Variants in WDHD1 observed in about 807,000 individuals in gnomAD.
The protein encoded by WDHD1 is WD repeat and HMG-box DNA binding protein 1.
Under a neutral mutation model 135.4 loss-of-function variants are expected in WDHD1, and 111 were observed. The ratio of observed to expected loss-of-function variants is 0.82; its 90% CI spans 0.70 to 0.96. The LOEUF (loss-of-function observed/expected upper bound fraction) is 0.96. Among genes scored for constraint, WDHD1 ranks in the 40% least tolerant of loss-of-function variants. The pLI, the probability that WDHD1 is intolerant of heterozygous loss-of-function variation, is 0.00. For missense variants in WDHD1, 1,351 were observed against 1,336.3 expected, an observed-to-expected ratio of 1.01 and a Z score of -0.17; for synonymous variants, 434 against 439.0, an observed-to-expected ratio of 0.99 and a Z score of 0.14.
intron 2 of WDHD1, among the ~76,000 whole-genome samples, chr14:55,017,774 T>C (rs1163399058): frequency 6.6e-6 from 1 of 152,190 alleles, no homozygotes; most frequent in Non-Finnish European, 1.5e-5. Context: ...GCCATACTTG[T>C]CAAATTTTCA....
At position 54,972,574 on chromosome 14, in the gene WDHD1, AAAAAAAAAAAAAAAAAT is replaced by A. The variant is rs1314815935; in HGVS notation, c.2064-5197_2064-5181del. Among the ~76,000 whole-genome samples, 135 of 138,556 alleles carry A rather than the reference AAAAAAAAAAAAAAAAAT, an allele frequency of 9.7e-4. 8 individuals are homozygous for A. The highest frequency in any genetic ancestry group is 3.8e-3 in the African/African-American group (129 of 33,858). 90.9% of individuals were successfully genotyped at this position (138,556 alleles called of 152,430 possible). A position where few individuals can be genotyped will look rare whatever the true frequency, so the allele number is the denominator to read the frequency against. On this transcript the variant is annotated intron_variant, in intron 16 of 25. Transcript: ENST00000360586. Reference sequence around the variant, plus strand: ...GTCACAAAAAAAAAAAAAAAAAAAAAAAAAAAAAAAAAAAAATGCCAATGAGGCATATTCACTTTCAT... The same window carrying A: ...GTCACAAAAAAAAAAAAAAAAAAAAAGCCAATGAGGCATATTCACTTTCAT...
intron 14 of WDHD1, among the ~76,000 whole-genome samples, chr14:54,986,734 C>A (rs1443705832): frequency 1.3e-5 from 2 of 151,984 alleles, no homozygotes; most frequent in Admixed American, 1.3e-4. Context: ...TTGATAAGAC[C>A]AGTCTTAGCA....
At chr14:54,947,695 G>A (rs1056117315) in intron 24 of WDHD1, among the ~76,000 whole-genome samples, 34 of 151,796 alleles carry the variant, frequency 2.2e-4, no homozygotes, top group African/African-American at 6.8e-4. Context: ...GTGTTCAAGC[G>A]ATTCTCCTGC....
intron 14 of WDHD1, among the ~76,000 whole-genome samples, chr14:54,985,482 C>T (rs145172441): frequency 3.3e-5 from 5 of 152,140 alleles, no homozygotes; most frequent in Admixed American, 2.0e-4. Flanking sequence ...TGAGAAACAA[C>T]GGTAAGAGAT....
rs369862171 is a variant in WDHD1, at chr14:55,026,835, A to G, written c.-16-32T>C. On this transcript the variant is annotated intron_variant, in intron 1 of 25. Transcript: ENST00000360586. ...ATGTTTTATAAAAGCCAGTCTTATTATTTCAAAAGAGAAAAGCAGCGAGGC... is the reference window on the plus strand; with the variant it reads ...ATGTTTTATAAAAGCCAGTCTTATTGTTTCAAAAGAGAAAAGCAGCGAGGC... 6.2e-6 allele frequency: 10 copies of G among 1,606,108 alleles called. No homozygotes were observed. In the African/African-American group the frequency reaches 1.1e-4, roughly 17 times the overall value.
chr14:54,985,949 GA>G (rs1039776431), intron 14 of WDHD1, among the ~76,000 whole-genome samples: 1 of 152,088 alleles, frequency 6.6e-6, no homozygotes, highest in Non-Finnish European at 1.5e-5. Flanking sequence ...AGCTTGGAAG[GA>G]AAAAAATCAG....
intron 24 of WDHD1, among the ~76,000 whole-genome samples, chr14:54,952,714 G>A (rs1386811058): frequency 6.6e-6 from 1 of 152,208 alleles, no homozygotes; most frequent in African/African-American, 2.4e-5. Flanking sequence ...AACAAAGCTG[G>A]AGGCATCACG....
At chr14:54,944,272 T>C in intron 25 of WDHD1, 60 bp downstream of exon 25, 1 of 1,589,966 alleles carries the variant, frequency 6.3e-7, no homozygotes, top group Non-Finnish European at 8.5e-7. Context: ...GGCATTTCTA[T>C]AAGAATTTTT....
intron 18 of WDHD1, among the ~76,000 whole-genome samples, chr14:54,965,828 C>T (rs150408044): frequency 2.0e-5 from 3 of 151,694 alleles, no homozygotes; most frequent in Admixed American, 1.3e-4. Context: ...TGGTGGCACA[C>T]GCCTGTAGTC....
At chr14:54,949,337 G>A (rs577490557) in intron 24 of WDHD1, among the ~76,000 whole-genome samples, 1 of 152,252 alleles carries the variant, frequency 6.6e-6, no homozygotes, top group Non-Finnish European at 1.5e-5. Flanking sequence ...ACCATGGCAC[G>A]AGAACTACGT....
intron 8 of WDHD1, 103 bp from the exon 9 acceptor site, chr14:55,001,095 T>C: frequency 1.3e-6 from 1 of 746,444 alleles, no homozygotes; most frequent in Admixed American, 3.6e-5. Flanking sequence ...TTTCAAGAAT[T>C]TGGAGGGGAA....
chr14:54,955,676 A>G lies in WDHD1; in HGVS notation c.2935T>C (p.Phe979Leu). ...TTAGTTTGAGAATTTCTTTTCTGGA[A>G]ATAGGATGCTGCAGATGCCTATAAA... Reference protein sequence around the residue: ...KPKQASAASYFQKRNSQTNKT... With the variant: ...KPKQASAASYLQKRNSQTNKT... Residue 979 changes from phenylalanine (F) to leucine (L), a missense_variant, in exon 24 of 26, where the codon TTC becomes CTC. By Grantham distance (22) the Phe-to-Leu change is conservative. Transcript: ENST00000360586. The G allele has an allele frequency of 6.3e-7, 1 of 1,581,124 alleles. No individual in the cohort carries two copies. Among genetic ancestry groups the G allele is most frequent in the Non-Finnish European group, 8.6e-7 (1 of 1,167,534 alleles).
At chr14:55,025,390 G>A (rs973586088) in intron 2 of WDHD1, among the ~76,000 whole-genome samples, 4 of 151,524 alleles carry the variant, frequency 2.6e-5, no homozygotes, top group East Asian at 1.9e-4. Context: ...CTGGTTCCCC[G>A]GGTCCCCTTA....
Position 54,939,093 on chromosome 14 carries a change from A to C in WDHD1, c.*2397T>G, listed in dbSNP as rs2040804541. ...AACAATAAGACAAACTAGAGGAAGG[A>C]TATACAGGTGCTTACTGTCAAATTT... On this transcript the variant is annotated 3_prime_UTR_variant, in exon 26 of 26. Transcript: ENST00000360586. 1 of 152,228 alleles carries C rather than the reference A, an allele frequency of 6.6e-6. No individual in the cohort carries two copies. The highest frequency in any genetic ancestry group is 2.1e-4 in the South Asian group (1 of 4,828). 9.4% of individuals were successfully genotyped at this position (152,228 alleles called of 1,614,324 possible).
rs766118485 is a variant in WDHD1, at chr14:54,941,585, T to C, written c.3295A>G (p.Lys1099Glu). 18 of 1,613,944 alleles carry C rather than the reference T, an allele frequency of 1.1e-5. No individual in the cohort carries two copies. The highest frequency in any genetic ancestry group is 3.3e-5 in the Admixed American group (2 of 60,006). ...GACAAATTCAGGTTCTCTTTTGCTT[T>C]TTCTTCCTGGTTTTCTGTTTCATCA... is the stretch of plus-strand genomic sequence containing the variant. ...ESDETENQEE[K>E]AKENLNLSKK... The change falls in exon 26 of 26, where the codon AAA becomes GAA. Residue 1099 changes from lysine to glutamate, a missense_variant. Lys to Glu is a moderately conservative substitution (Grantham distance 56). Around this residue, in one of 2 missense-constraint regions of WDHD1, gnomAD observed 1,330 missense variants for 1,296.1 expected, o/e 1.03. Transcript: ENST00000360586.
chr14:55,026,298 A>G (rs1400060649), intron 2 of WDHD1, among the ~76,000 whole-genome samples: 5 of 152,086 alleles, frequency 3.3e-5, no homozygotes, highest in Non-Finnish European at 7.3e-5. Context: ...AGAGGAAAAA[A>G]TTGTTTTAAG....
Position 54,995,731 on chromosome 14 carries a change from T to A in WDHD1, c.1025A>T (p.Asn342Ile). Reference protein sequence around the residue: ...MSNAGDFLNDNAVEIPSFSKG... With the variant: ...MSNAGDFLNDIAVEIPSFSKG... ...TGAAAAAGAAGGGATCTCAACTGCATTGTCATTTAGAAAATCACCAGCATT... is the reference window on the plus strand; with the variant it reads ...TGAAAAAGAAGGGATCTCAACTGCAATGTCATTTAGAAAATCACCAGCATT... Residue 342 changes from asparagine (N) to isoleucine (I), a missense_variant, in exon 11 of 26, where the codon AAT becomes ATT. Around this residue, in one of 2 missense-constraint regions of WDHD1, gnomAD observed 1,330 missense variants for 1,296.1 expected, o/e 1.03. Coordinates refer to ENST00000360586, the MANE Select transcript of WDHD1 (RefSeq NM_007086.4). 1 of 1,613,540 alleles carries A rather than the reference T, an allele frequency of 6.2e-7. No homozygotes were observed. Among genetic ancestry groups the A allele is most frequent in the Non-Finnish European group, 8.5e-7 (1 of 1,179,798 alleles).
At chr14:54,952,936 A>C (rs1050866352) in intron 24 of WDHD1, among the ~76,000 whole-genome samples, 1 of 152,250 alleles carries the variant, frequency 6.6e-6, no homozygotes, top group African/African-American at 2.4e-5. Flanking sequence ...AGAAAGCTGA[A>C]ACTGGATCCA....
intron 14 of WDHD1, 56 bp from the exon 15 acceptor site, chr14:54,984,916 A>C (rs1595093278): frequency 1.3e-6 from 2 of 1,579,258 alleles, no homozygotes; most frequent in East Asian, 4.6e-5. Flanking sequence ...ACTATAACGC[A>C]GTCTAAATTA....
Sources: allele counts gnomAD v4.1 joint callset (sites outside exome capture counted in the v4.1 genomes callset), GRCh38; gene constraint gnomAD v4.1.1; regional missense constraint gnomAD v4.1.1; transcripts MANE v1.5; gene names NCBI Gene and HGNC (gene_info 2026-07-23, HGNC 2026-07-21).